Variants in SORBS2 observed in about 807,000 individuals in gnomAD.
The protein encoded by SORBS2 is sorbin and SH3 domain-containing protein 2.
A neutral mutation model predicts 97.7 loss-of-function variants in SORBS2; 46 were observed. That is an observed-to-expected ratio of 0.47 (90% CI 0.37 to 0.60). SORBS2 has a LOEUF of 0.60. SORBS2 is among the 20% of genes least tolerant of loss of function. The pLI, the probability that SORBS2 is intolerant of heterozygous loss-of-function variation, is 0.00. For synonymous variants in SORBS2, 476 were observed against 473.4 expected (o/e 1.01, Z -0.07); for missense variants, 1,316 against 1,282.3 (o/e 1.03, Z -0.40).
chr4:185,878,418 C>T (rs1212369610), intron 1 of SORBS2, among the ~76,000 whole-genome samples: 2 of 152,126 alleles, frequency 1.3e-5, no homozygotes, highest in African/African-American at 2.4e-5. Flanking sequence ...CACCTCGTCC[C>T]TCCGCCTTAT....
intron 1 of SORBS2, among the ~76,000 whole-genome samples, chr4:185,911,256 C>T (rs1343695522): frequency 6.6e-6 from 1 of 152,132 alleles, no homozygotes; most frequent in Non-Finnish European, 1.5e-5. Flanking sequence ...GAGACAGAGT[C>T]TCGCTCTGTC....
intron 4 of SORBS2, among the ~76,000 whole-genome samples, chr4:185,636,797 C>T (rs1201482875): frequency 1.3e-5 from 2 of 152,156 alleles, no homozygotes; most frequent in African/African-American, 4.8e-5. Context: ...TACAGGCACC[C>T]GCCACCATGC....
intron 1 of SORBS2, among the ~76,000 whole-genome samples, chr4:185,794,359 C>A (rs2099095608): frequency 6.6e-6 from 1 of 152,084 alleles, no homozygotes; most frequent in Admixed American, 6.5e-5. Context: ...TTCAGGGAGG[C>A]AAGGTCCTAT....
At chr4:185,847,588 A>G (rs1308700824) in intron 1 of SORBS2, among the ~76,000 whole-genome samples, 1 of 152,190 alleles carries the variant, frequency 6.6e-6, no homozygotes, top group Non-Finnish European at 1.5e-5. Flanking sequence ...CAGGATGAGT[A>G]AGCGACATAT....
chr4:185,718,116 A>G (rs1320563435), intron 2 of SORBS2, among the ~76,000 whole-genome samples: 1 of 152,094 alleles, frequency 6.6e-6, no homozygotes. Flanking sequence ...CTATAATCCC[A>G]GCTACTCGGG....
intron 2 of SORBS2, among the ~76,000 whole-genome samples, chr4:185,722,381 T>C (rs2098522041): frequency 6.6e-6 from 1 of 152,272 alleles, no homozygotes; most frequent in African/African-American, 2.4e-5. Flanking sequence ...TAAATTATTA[T>C]CATTCATGTG....
chr4:185,947,673 G>A (rs917700009), intron 1 of SORBS2, among the ~76,000 whole-genome samples: 1 of 152,046 alleles, frequency 6.6e-6, no homozygotes, highest in Non-Finnish European at 1.5e-5. Context: ...GTGCAATGGT[G>A]TGGTCTAGCT....
Position 185,720,636 on chromosome 4 carries a change from G to A in SORBS2, c.-197-41814C>T, listed in dbSNP as rs909785264. ...TGGGCCTCCGGTACCCAGGTGCTCTGCCTTGTGACTCCATCTTATGTGAAA... is the reference window on the plus strand; with the variant it reads ...TGGGCCTCCGGTACCCAGGTGCTCTACCTTGTGACTCCATCTTATGTGAAA... On this transcript the variant is annotated intron_variant, in intron 2 of 20. Coordinates refer to the SORBS2 transcript ENST00000284776. 1.1e-4 allele frequency among the ~76,000 whole-genome samples: 17 copies of A among 152,162 alleles called. No individual in the cohort carries two copies. In the East Asian group the frequency reaches 2.7e-3, roughly 24 times the overall value.
chr4:185,630,654 C>A, intron 4 of SORBS2, 56 bp from the exon 17 acceptor site: 3 of 928,904 alleles, frequency 3.2e-6, no homozygotes, highest in South Asian at 3.0e-5. Context: ...AAATTTTGTT[C>A]ACTTGTCAAC....
At chr4:185,768,714 A>AC (rs201184073) in intron 2 of SORBS2, among the ~76,000 whole-genome samples, 29 of 128,150 alleles carry the variant, frequency 2.3e-4, no homozygotes, top group East Asian at 2.0e-3. Flanking sequence ...AAAAAAAACA[A>AC]AAAAACAAAA....
intron 1 of SORBS2, among the ~76,000 whole-genome samples, chr4:185,844,890 C>T (rs1477646101): frequency 6.6e-6 from 1 of 152,086 alleles, no homozygotes; most frequent in East Asian, 1.9e-4. Flanking sequence ...TCCATTTATA[C>T]GAAACACTCA....
At chr4:185,892,559 G>A (rs886538177) in intron 1 of SORBS2, among the ~76,000 whole-genome samples, 3 of 152,186 alleles carry the variant, frequency 2.0e-5, no homozygotes, top group Admixed American at 6.5e-5. Flanking sequence ...AAAACGTGGT[G>A]CATACATATC....
chr4:185,814,701 C>A (rs941002403), intron 1 of SORBS2, among the ~76,000 whole-genome samples: 4 of 152,262 alleles, frequency 2.6e-5, no homozygotes, highest in African/African-American at 9.6e-5. Context: ...CCAGTTTGCA[C>A]TGAACCGGAA....
chr4:185,907,102 C>G (rs2099251389), intron 1 of SORBS2, among the ~76,000 whole-genome samples: 1 of 150,740 alleles, frequency 6.6e-6, no homozygotes, highest in Admixed American at 6.6e-5. Flanking sequence ...TGCCACTGCA[C>G]TCCAGCCTGG....
At chr4:185,690,919 A>G (rs1397598495) in intron 2 of SORBS2, among the ~76,000 whole-genome samples, 1 of 139,410 alleles carries the variant, frequency 7.2e-6, no homozygotes, top group Non-Finnish European at 1.5e-5. Context: ...TTTTTTTTTG[A>G]GACAGAGTCC....
At chr4:185,857,297 A>G (rs11725640) in intron 1 of SORBS2, among the ~76,000 whole-genome samples, 29,327 of 152,112 alleles carry the variant, frequency 0.19, 3,753 homozygotes, top group East Asian at 0.55. Flanking sequence ...GATTTCATGG[A>G]CACTTATCAC....
intron 3 of SORBS2, 27 bp downstream of exon 12, chr4:185,649,440 A>C (rs1185359637): frequency 1.3e-6 from 2 of 1,526,578 alleles, no homozygotes; most frequent in Admixed American, 4.1e-5. Context: ...AGCGAAACAT[A>C]GGCCACCCTG....
intron 1 of SORBS2, among the ~76,000 whole-genome samples, chr4:185,923,988 G>C (rs1430690322): frequency 6.6e-6 from 1 of 152,160 alleles, no homozygotes; most frequent in African/African-American, 2.4e-5. Context: ...CACTAGAATG[G>C]AAGCAGCATG....
chr4:185,924,825 T>C (rs941168672), intron 1 of SORBS2, among the ~76,000 whole-genome samples: 1 of 152,150 alleles, frequency 6.6e-6, no homozygotes, highest in South Asian at 2.1e-4. Context: ...TGGGGAGCTG[T>C]TTTCTTCTTC....
Sources: allele counts gnomAD v4.1 joint callset (sites outside exome capture counted in the v4.1 genomes callset), GRCh38; gene constraint gnomAD v4.1.1; transcripts MANE v1.5; gene names NCBI Gene and HGNC (gene_info 2026-07-23, HGNC 2026-07-21).